KIAA1217: variants seen among roughly 807,000 people sequenced by gnomAD.
KIAA1217 encodes KIAA1217, also known as sickle tail protein homolog.
A neutral mutation model predicts 163.9 loss-of-function variants in KIAA1217; 88 were observed. The ratio of observed to expected loss-of-function variants is 0.54; its 90% confidence interval spans 0.45 to 0.64. The LOEUF (loss-of-function observed/expected upper bound fraction) is 0.64. KIAA1217 is among the 30% of genes least tolerant of loss of function. The pLI is 0.00. For missense variants in KIAA1217, 2,372 were observed against 2,475.0 expected, an observed-to-expected ratio of 0.96 and a Z score of 0.88; for synonymous variants, 903 against 923.1, an observed-to-expected ratio of 0.98 and a Z score of 0.39.
At chr10:23,786,078 T>C (rs1835479526) in intron 1 of KIAA1217, among the ~76,000 whole-genome samples, 1 of 152,066 alleles carries the variant, frequency 6.6e-6, no homozygotes, top group Non-Finnish European at 1.5e-5. Flanking sequence ...ACAAGGCAAG[T>C]AGTGAGAATT....
chr10:23,925,065 T>G (rs1842970862), intron 1 of KIAA1217, among the ~76,000 whole-genome samples: 1 of 152,028 alleles, frequency 6.6e-6, no homozygotes, highest in Non-Finnish European at 1.5e-5. Context: ...ATATCCCAAA[T>G]TTTTAGTCCC....
chr10:23,783,587 G>A (rs997631824), intron 1 of KIAA1217, among the ~76,000 whole-genome samples: 2 of 152,104 alleles, frequency 1.3e-5, no homozygotes, highest in Non-Finnish European at 2.9e-5. Context: ...TAAAATAAGT[G>A]TGGAAGTATT....
chr10:24,226,369 G>T (rs1449170236), intron 2 of KIAA1217, among the ~76,000 whole-genome samples: 1 of 152,120 alleles, frequency 6.6e-6, no homozygotes, highest in Non-Finnish European at 1.5e-5. Context: ...GCTCACGCCT[G>T]CAGTCCCAAC....
chr10:23,926,553 C>T (rs1488236984), intron 1 of KIAA1217, among the ~76,000 whole-genome samples: 6 of 151,914 alleles, frequency 3.9e-5, no homozygotes, highest in South Asian at 2.1e-4. Flanking sequence ...GGTGAAGCCC[C>T]GTCTCTACTA....
At chr10:24,436,009 C>T (rs576766479) in intron 4 of KIAA1217, among the ~76,000 whole-genome samples, 10 of 151,846 alleles carry the variant, frequency 6.6e-5, no homozygotes, top group African/African-American at 1.7e-4. Context: ...TACAGGTGTG[C>T]GCCACCACGC....
upstream of KIAA1217, among the ~76,000 whole-genome samples, chr10:24,208,301 G>T (rs2067679047): frequency 6.6e-6 from 1 of 151,664 alleles, no homozygotes; most frequent in South Asian, 2.1e-4. Flanking sequence ...TCAGATTTTT[G>T]GAGTCGTTAA....
Position 24,546,392 on chromosome 10 carries a change from T to C in KIAA1217, c.*68T>C. ...AAAATTAACAGTCTACAACAACTGT[T>C]TTCACAAGAGAATGTAACATATTGC... On this transcript the variant is annotated 3_prime_UTR_variant, in exon 21 of 21. Coordinates refer to ENST00000376454, the MANE Select transcript of KIAA1217 (RefSeq NM_019590.5). 7.0e-7 allele frequency: 1 copy of C among 1,434,364 alleles called. No homozygotes were observed. Among genetic ancestry groups the C allele is most frequent in the Non-Finnish European group, 9.4e-7 (1 of 1,062,744 alleles). The allele number at this position is 1,434,364 out of a possible 1,614,324, so 88.9% of individuals were successfully genotyped here.
chr10:23,699,633 CT>C (rs995060245), intron 1 of KIAA1217, among the ~76,000 whole-genome samples: 15 of 151,536 alleles, frequency 9.9e-5, no homozygotes, highest in African/African-American at 3.4e-4. Flanking sequence ...TTTTCTTTTC[CT>C]TTTTTTTAGA....
At chr10:23,869,402 G>A (rs1840354919) in intron 1 of KIAA1217, among the ~76,000 whole-genome samples, 1 of 152,040 alleles carries the variant, frequency 6.6e-6, no homozygotes, top group African/African-American at 2.4e-5. Context: ...CTTGTTTCAA[G>A]TGGGTGGCAG....
At chr10:24,324,128 C>T (rs2044553577) in intron 2 of KIAA1217, among the ~76,000 whole-genome samples, 1 of 151,218 alleles carries the variant, frequency 6.6e-6, no homozygotes, top group Non-Finnish European at 1.5e-5. Flanking sequence ...ATTAGCTAAA[C>T]ATGGTAACAT....
intron 2 of KIAA1217, among the ~76,000 whole-genome samples, chr10:24,162,914 T>C (rs374563220): frequency 1.1e-4 from 17 of 152,186 alleles, no homozygotes; most frequent in African/African-American, 3.9e-4. Context: ...AGCAATTTCA[T>C]GACATAGCAG....
Position 24,369,499 on chromosome 10 carries a change from C to G in KIAA1217, c.355-11370C>G, listed in dbSNP as rs571729700. Among the ~76,000 whole-genome samples, 23 of 152,162 alleles carry G rather than the reference C, an allele frequency of 1.5e-4. No homozygotes were observed. The South Asian group carries it at 3.5e-3, about 23-fold the overall frequency. On this transcript the variant is annotated intron_variant, in intron 2 of 20. Coordinates refer to ENST00000376454, the MANE Select transcript of KIAA1217 (RefSeq NM_019590.5). ...CACTGAGGGTGAGGGCCTTTGCTAG[C>G]AAGGAAAGCCTCTTTGGTTTGGCAA...
chr10:24,452,466 G>A (rs957138397), intron 5 of KIAA1217, among the ~76,000 whole-genome samples: 1 of 150,676 alleles, frequency 6.6e-6, no homozygotes, highest in African/African-American at 2.4e-5. Flanking sequence ...GAGGTCAGGA[G>A]ATCAAGACCA....
In KIAA1217 at chr10:23,869,124, G is replaced by GTTTTTTTTTTTTTTTTTTTT. The variant is rs58288361; in HGVS notation, c.-320-138090_-320-138071dup. ...GTGTAACGTGCAATCATGAAATGTA[G>GTTTTTTTTTTTTTTTTTTTT]TTTTTTTTTTTTTTTTTTTTTTTTT... is the stretch of plus-strand genomic sequence containing the variant. On this transcript the variant is annotated intron_variant, in intron 1 of 18. Transcript: ENST00000376462. 2.2e-4 allele frequency among the ~76,000 whole-genome samples: 7 copies of GTTTTTTTTTTTTTTTTTTTT among 31,724 alleles called. 3 individuals carry two copies. Among genetic ancestry groups the GTTTTTTTTTTTTTTTTTTTT allele is most frequent in the African/African-American group, 8.4e-4 (7 of 8,288 alleles). The allele number at this position is 31,724 out of a possible 152,430, so 20.8% of individuals were successfully genotyped here.
chr10:24,531,952 G>T lies in KIAA1217; in HGVS notation c.3205G>T (p.Asp1069Tyr). ...GGGACTCACCACCACGAGGTCAGGCGATGTGGTCTACACCGGCAGAAAGGA... is the reference window on the plus strand; with the variant it reads ...GGGACTCACCACCACGAGGTCAGGCTATGTGGTCTACACCGGCAGAAAGGA... ...GSGLTTTRSG[D>Y]VVYTGRKENI... The change falls in exon 15 of 21, where the codon GAT (aspartate) becomes TAT (tyrosine). Residue 1069 changes from aspartate (D) to tyrosine (Y), a missense_variant. Physicochemically the swap from Asp to Tyr is radical, Grantham distance 160. Around this residue, in one of 3 missense-constraint regions of KIAA1217, gnomAD observed 1,431 missense variants for 1,470.3 expected, o/e 0.97. Transcript: ENST00000376454. 6.2e-7 allele frequency: 1 copy of T among 1,608,070 alleles called. No individual in the cohort carries two copies. Among genetic ancestry groups the T allele is most frequent in the Non-Finnish European group, 8.5e-7 (1 of 1,176,416 alleles).
chr10:24,147,508 T>C (rs2064375477), intron 2 of KIAA1217, among the ~76,000 whole-genome samples: 1 of 152,088 alleles, frequency 6.6e-6, no homozygotes, highest in African/African-American at 2.4e-5. Context: ...ATAGCCACAA[T>C]GTCAGAAATG....
At chr10:24,380,590 C>T (rs572717439) in intron 2 of KIAA1217, among the ~76,000 whole-genome samples, 2 of 150,852 alleles carry the variant, frequency 1.3e-5, no homozygotes, top group Admixed American at 6.6e-5. Context: ...TGTAGTGAGC[C>T]GATCTCACAC....
At chr10:23,778,007 A>G (rs1835081369) in intron 1 of KIAA1217, among the ~76,000 whole-genome samples, 1 of 151,064 alleles carries the variant, frequency 6.6e-6, no homozygotes, top group South Asian at 2.1e-4. Flanking sequence ...CAGTGGTGTG[A>G]TCTCGGCTCA....
In KIAA1217 at chr10:24,155,635, A is replaced by G. The variant is rs554436461; in HGVS notation, c.-170-63991A>G. Among the ~76,000 whole-genome samples the G allele has an allele frequency of 2.6e-5, 4 of 152,244 alleles. No individual in the cohort carries two copies. In the East Asian group the frequency reaches 7.7e-4, roughly 29 times the overall value. ...CAGGAGTTCAAGACCAGCCTGGCCA[A>G]CATGATGAAACCCTGTCTCTACTAA... On this transcript the variant is annotated intron_variant, in intron 2 of 18. Transcript: ENST00000376462.
Sources: allele counts gnomAD v4.1 joint callset (sites outside exome capture counted in the v4.1 genomes callset), GRCh38; gene constraint gnomAD v4.1.1; regional missense constraint gnomAD v4.1.1; transcripts MANE v1.5; gene names NCBI Gene and HGNC (gene_info 2026-07-23, HGNC 2026-07-21).